CST6: variants seen among roughly 807,000 people sequenced by gnomAD.
CST6 encodes the protein cystatin-M.
In CST6, 8 loss-of-function variants were observed where a neutral mutation model predicts 10.7. The observed-to-expected ratio is 0.75, with a 90% CI of 0.44 to 1.34. The LOEUF is 1.34. Among genes scored for constraint, CST6 ranks in the 40% most tolerant of loss-of-function variants. CST6 has a pLI of 0.01. For synonymous variants in CST6, 100 were observed against 89.3 expected, an observed-to-expected ratio of 1.12 and a Z score of -0.68; for missense variants, 206 against 205.1, an observed-to-expected ratio of 1.00 and a Z score of -0.03.
chr11:66,013,459 C>T lies in CST6; in HGVS notation c.*59C>T. 2.2e-6 allele frequency: 3 copies of T among 1,348,158 alleles called. No homozygotes were observed. Among genetic ancestry groups the T allele is most frequent in the Non-Finnish European group, 3.2e-6 (3 of 937,674 alleles). 83.5% of individuals were successfully genotyped at this position (1,348,158 alleles called of 1,614,324 possible). On this transcript the variant is annotated 3_prime_UTR_variant, in exon 3 of 3. Transcript: ENST00000312134. ...GGCCATGGTGGAGGGCACTTCAGGT[C>T]CGTGGGCCGTATCTGTCACAATAAA...
chr11:66,013,496 G>T lies in CST6; in HGVS notation c.*96G>T, dbSNP rs950735153. On this transcript the variant is annotated 3_prime_UTR_variant, in exon 3 of 3. Coordinates refer to ENST00000312134, the MANE Select transcript of CST6 (RefSeq NM_001323.4). ...TCTGTCACAATAAATGGCCAGTGCT[G>T]CTTCTTGCATTGGTTTCTTCCAAGT... 2.0e-5 allele frequency: 20 copies of T among 1,009,422 alleles called. No homozygotes were observed. The highest frequency in any genetic ancestry group is 3.0e-5 in the Non-Finnish European group (19 of 632,078). 62.5% of individuals were successfully genotyped at this position (1,009,422 alleles called of 1,614,324 possible). A position where few individuals can be genotyped will look rare whatever the true frequency, so the allele number is the denominator to read the frequency against.
chr11:66,013,277 C>G, intron 2 of CST6, 40 bp from the exon 3 acceptor site: 1 of 1,574,422 alleles, frequency 6.4e-7, no homozygotes, highest in Non-Finnish European at 8.7e-7. Context: ...CAGGTCGAGG[C>G]TGGGCTCACC....
At chr11:66,013,036 C>T (rs1031840815) in intron 2 of CST6, 85 bp downstream of exon 2, 37 of 1,520,422 alleles carry the variant, frequency 2.4e-5, no homozygotes, top group Admixed American at 3.7e-5. Flanking sequence ...TGGCTGGACA[C>T]GTAGATGTCT....
In CST6 at chr11:66,013,467, C is replaced by T. The variant is rs139763518; in HGVS notation, c.*67C>T. On this transcript the variant is annotated 3_prime_UTR_variant, in exon 3 of 3. Transcript: ENST00000312134. ...TGGAGGGCACTTCAGGTCCGTGGGC[C>T]GTATCTGTCACAATAAATGGCCAGT... 375 of 1,293,774 alleles carry T rather than the reference C, an allele frequency of 2.9e-4. 5 individuals carry two copies. In the East Asian group the frequency reaches 5.9e-3, roughly 20 times the overall value. The allele number at this position is 1,293,774 out of a possible 1,614,324, so 80.1% of individuals were successfully genotyped here. A position where few individuals can be genotyped will look rare whatever the true frequency, so the allele number is the denominator to read the frequency against.
Position 66,012,262 on chromosome 11 carries a change from A to T in CST6, c.218A>T (p.His73Leu). The T allele has an allele frequency of 6.2e-7, 1 of 1,604,942 alleles. No homozygotes were observed. The highest frequency in any genetic ancestry group is 8.5e-7 in the Non-Finnish European group (1 of 1,175,274). The part of the protein sequence containing the change: ...SNSIYYFRDT[H>L]IIKAQSQLVA... ...AGCATCTACTACTTCCGAGACACGC[A>T]CATCATCAAGGCGCAGAGCCAGGTG... Residue 73 changes from histidine to leucine, a missense_variant, in exon 1 of 3, where the codon CAC becomes CTC. Transcript: ENST00000312134.
chr11:66,012,540 C>T (rs1856178501), intron 1 of CST6, among the ~76,000 whole-genome samples: 1 of 152,072 alleles, frequency 6.6e-6, no homozygotes, highest in African/African-American at 2.4e-5. Flanking sequence ...TGGGGTGGAT[C>T]GGGGAGGAGG....
Position 66,012,788 on chromosome 11 carries a change from G to A in CST6, c.241-38G>A, listed in dbSNP as rs1279202104. ...AAGAGGTGAGAAGTGAGGATCAAGGGTCAAGACCCCTGACCTGCCCCTACC... is the reference window on the plus strand; with the variant it reads ...AAGAGGTGAGAAGTGAGGATCAAGGATCAAGACCCCTGACCTGCCCCTACC... On this transcript the variant is annotated intron_variant, in intron 1 of 2. Transcript: ENST00000312134. The A allele has an allele frequency of 5.8e-6, 9 of 1,564,202 alleles. No individual in the cohort carries two copies. The East Asian group carries it at 2.1e-4, about 36-fold the overall frequency.
chr11:66,013,148 G>T, intron 2 of CST6, 169 bp from the exon 3 acceptor site: 1 of 970,784 alleles, frequency 1.0e-6, no homozygotes, highest in Non-Finnish European at 1.6e-6. Context: ...TGGGGAAGTT[G>T]GCTACCAAGA....
Position 66,012,167 on chromosome 11 carries a change from G to A in CST6, c.123G>A (p.Leu41=), listed in dbSNP as rs759077413. Residue 41 remains leucine, a synonymous_variant, in exon 1 of 3, where the codon CTG becomes CTA. Coordinates refer to ENST00000312134, the MANE Select transcript of CST6 (RefSeq NM_001323.4). ...QERMVGELRD[L]SPDDPQVQKA... Reference sequence around the variant, plus strand: ...GCATGGTCGGAGAACTCCGGGACCTGTCGCCCGACGACCCGCAGGTGCAGA... The same window carrying A: ...GCATGGTCGGAGAACTCCGGGACCTATCGCCCGACGACCCGCAGGTGCAGA... 1.3e-6 allele frequency: 2 copies of A among 1,562,966 alleles called. No homozygotes were observed. Among genetic ancestry groups the A allele is most frequent in the Non-Finnish European group, 1.7e-6 (2 of 1,156,982 alleles).
chr11:66,012,059 C>T lies in CST6; in HGVS notation c.15C>T (p.Asn5=). The T allele has an allele frequency of 6.4e-7, 1 of 1,560,586 alleles. No homozygotes were observed. The highest frequency in any genetic ancestry group is 1.2e-5 in the South Asian group (1 of 86,340). Residue 5 remains asparagine (N), a synonymous_variant, in exon 1 of 3, where the codon AAC becomes AAT. Coordinates refer to ENST00000312134, the MANE Select transcript of CST6 (RefSeq NM_001323.4). ...CACTGACGGCCATGGCGCGTTCGAA[C>T]CTCCCGCTGGCGCTGGGCCTGGCCC... MARS[N]LPLALGLALV... is the part of the protein sequence containing the mutation.
intron 1 of CST6, 43 bp downstream of exon 1, chr11:66,012,327 G>C (rs762414384): frequency 3.4e-5 from 52 of 1,544,652 alleles, no homozygotes; most frequent in Admixed American, 3.4e-4. Context: ...CGGCCCAGAT[G>C]GGGGAGGCCA....
In CST6 at chr11:66,013,468, G is replaced by A. The variant is rs1023544704; in HGVS notation, c.*68G>A. On this transcript the variant is annotated 3_prime_UTR_variant, in exon 3 of 3. Coordinates refer to ENST00000312134, the MANE Select transcript of CST6 (RefSeq NM_001323.4). The stretch of plus-strand genomic sequence containing the variant: ...GGAGGGCACTTCAGGTCCGTGGGCC[G>A]TATCTGTCACAATAAATGGCCAGTG... 34 of 1,279,240 alleles carry A rather than the reference G, an allele frequency of 2.7e-5. No individual in the cohort carries two copies. Among genetic ancestry groups the A allele is most frequent in the South Asian group, 4.7e-5 (4 of 84,336 alleles). The allele number at this position is 1,279,240 out of a possible 1,614,324, so 79.2% of individuals were successfully genotyped here.
intron 2 of CST6, 50 bp from the exon 3 acceptor site, chr11:66,013,267 C>G: frequency 6.6e-7 from 1 of 1,524,506 alleles, no homozygotes; most frequent in Non-Finnish European, 9.1e-7. Context: ...TGGGAGGAGA[C>G]AGGTCGAGGC....
Position 66,012,907 on chromosome 11 carries a change from G to T in CST6, c.322G>T (p.Val108Phe), listed in dbSNP as rs766538046. The T allele has an allele frequency of 1.2e-6, 2 of 1,613,598 alleles. No homozygotes were observed. Among genetic ancestry groups the T allele is most frequent in the Admixed American group, 1.7e-5 (1 of 59,964 alleles). ...CRKTRVTGDHVDLTTCPLAAG... is the reference protein window; with the variant it reads ...CRKTRVTGDHFDLTTCPLAAG... ...CAAGACCAGGGTCACTGGAGACCAC[G>T]TCGACCTCACCACTTGCCCCCTGGC... The change falls in exon 2 of 3, where the codon GTC becomes TTC. Residue 108 changes from valine to phenylalanine, a missense_variant. Val to Phe is a conservative substitution (Grantham distance 50). Coordinates refer to ENST00000312134, the MANE Select transcript of CST6 (RefSeq NM_001323.4).
intron 1 of CST6, 140 bp downstream of exon 1, chr11:66,012,424 A>G: frequency 3.5e-6 from 4 of 1,138,698 alleles, no homozygotes; most frequent in Non-Finnish European, 4.8e-6. Context: ...AATTAATGCT[A>G]AAACTCCACG....
In CST6 at chr11:66,012,674, A is replaced by AC. The variant is rs1420287294; in HGVS notation, c.241-143dup. 294 of 41,474 alleles carry AC rather than the reference A, an allele frequency of 7.1e-3. 6 individuals carry two copies. The highest frequency in any genetic ancestry group is 7.4e-3 in the Non-Finnish European group (133 of 17,962). The allele number at this position is 41,474 out of a possible 1,614,324, so 2.6% of individuals were successfully genotyped here. ...CATCCCCACCAGAACTCCCCCCCCC[A>AC]CCCCCCCCCACCCCCCCCCACCCCG... is the stretch of plus-strand genomic sequence containing the variant. On this transcript the variant is annotated intron_variant, in intron 1 of 2. Transcript: ENST00000312134.
At chr11:66,012,348 C>T (rs1856176320) in intron 1 of CST6, 64 bp downstream of exon 1, 5 of 1,503,106 alleles carry the variant, frequency 3.3e-6, no homozygotes, top group African/African-American at 1.4e-5. Context: ...CAGGCGCTGC[C>T]CCAGCGTGCA....
rs188986260 is a variant in CST6, at chr11:66,013,410, G to A, written c.*10G>A. The A allele has an allele frequency of 4.5e-5, 72 of 1,611,940 alleles. No individual in the cohort carries two copies. The highest frequency in any genetic ancestry group is 3.3e-4 in the African/African-American group (25 of 74,980). Reference sequence around the variant, plus strand: ...CTGTGTGCAGATGTGATAAGTCCCCGAGGGCGAAGGCCATTGGGTTTGGGG... The same window carrying A: ...CTGTGTGCAGATGTGATAAGTCCCCAAGGGCGAAGGCCATTGGGTTTGGGG... On this transcript the variant is annotated 3_prime_UTR_variant, in exon 3 of 3. Transcript: ENST00000312134.
At chr11:66,013,289 C>T in intron 2 of CST6, 28 bp from the exon 3 acceptor site, 1 of 1,604,428 alleles carries the variant, frequency 6.2e-7, no homozygotes, top group Non-Finnish European at 8.5e-7. Flanking sequence ...GGGCTCACCC[C>T]TCCTTCTCCC....
Sources: gnomAD v4.1 joint callset for allele counts (sites outside exome capture counted in the v4.1 genomes callset) on GRCh38, gnomAD v4.1.1 for gene constraint, MANE v1.5 for transcripts, NCBI Gene and HGNC (gene_info 2026-07-23, HGNC 2026-07-21) for gene names.